Variants in RCAN3 observed in about 807,000 individuals in gnomAD.
RCAN3 encodes the protein calcipressin-3.
A neutral mutation model predicts 21.9 loss-of-function variants in RCAN3; 19 were observed. That is an observed-to-expected ratio of 0.87 (90% CI 0.61 to 1.27). RCAN3 has a LOEUF of 1.27. RCAN3 is among the 50% of genes most tolerant of loss of function. RCAN3 has a pLI of 0.00. For missense variants in RCAN3, 240 were observed against 300.1 expected (o/e 0.80, Z 1.48); for synonymous variants, 114 against 112.3 (o/e 1.01, Z -0.09).
At chr1:24,532,124 G>A (rs1034475940) in intron 3 of RCAN3, among the ~76,000 whole-genome samples, 1 of 152,162 alleles carries the variant, frequency 6.6e-6, no homozygotes, top group Non-Finnish European at 1.5e-5. Context: ...TCTTGAGATG[G>A]AGTACAAATA....
intron 2 of RCAN3, among the ~76,000 whole-genome samples, chr1:24,530,005 A>AC (rs1345310968): frequency 7.9e-6 from 1 of 126,318 alleles, no homozygotes; most frequent in African/African-American, 3.0e-5. Flanking sequence ...TCTCAAAAAA[A>AC]AAAACAAAAC....
chr1:24,514,303 T>C lies in RCAN3; in HGVS notation c.-59-11T>C. 1.5e-6 allele frequency: 2 copies of C among 1,365,186 alleles called. No homozygotes were observed. Among genetic ancestry groups the C allele is most frequent in the South Asian group, 3.5e-5 (2 of 57,188 alleles). The allele number at this position is 1,365,186 out of a possible 1,614,324, so 84.6% of individuals were successfully genotyped here. A position where few individuals can be genotyped will look rare whatever the true frequency, so the allele number is the denominator to read the frequency against. ...GGAGTTTTACCTCTGCATTTTCTTTTTTTTTAACAGTGGGTGCCTGATAGA... is the reference window on the plus strand; with the variant it reads ...GGAGTTTTACCTCTGCATTTTCTTTCTTTTTAACAGTGGGTGCCTGATAGA... On this transcript the variant is annotated splice_polypyrimidine_tract_variant and intron_variant, in intron 1 of 4. Coordinates refer to ENST00000374395, the MANE Select transcript of RCAN3 (RefSeq NM_013441.4).
chr1:24,531,246 A>T lies in RCAN3; in HGVS notation c.224A>T (p.Tyr75Phe). Residue 75 changes from tyrosine to phenylalanine, a missense_variant, in exon 3 of 5, where the codon TAT becomes TTT. Transcript: ENST00000374395. ...AGATTTGAAGCACTCTTCACCATCTATGATGACCAGGTTACTTTTCAGCTG... is the reference window on the plus strand; with the variant it reads ...AGATTTGAAGCACTCTTCACCATCTTTGATGACCAGGTTACTTTTCAGCTG... The part of the protein sequence containing the change: ...KERFEALFTI[Y>F]DDQVTFQLFK... 6.2e-7 allele frequency: 1 copy of T among 1,606,804 alleles called. No homozygotes were observed. Among genetic ancestry groups the T allele is most frequent in the Non-Finnish European group, 8.5e-7 (1 of 1,175,828 alleles).
At chr1:24,515,564 C>G (rs1648249248) in intron 2 of RCAN3, among the ~76,000 whole-genome samples, 1 of 151,984 alleles carries the variant, frequency 6.6e-6, no homozygotes, top group African/African-American at 2.4e-5. Context: ...CTTCCTTGTT[C>G]TGAGCTTTTT....
At chr1:24,520,885 T>C (rs913405706) in intron 2 of RCAN3, among the ~76,000 whole-genome samples, 1 of 152,122 alleles carries the variant, frequency 6.6e-6, no homozygotes, top group Non-Finnish European at 1.5e-5. Context: ...CAGTACTACC[T>C]AAAGTGCTCT....
chr1:24,522,969 G>C (rs747546521), intron 2 of RCAN3, among the ~76,000 whole-genome samples: 3 of 151,918 alleles, frequency 2.0e-5, no homozygotes, highest in Non-Finnish European at 4.4e-5. Context: ...ACTTTAATAG[G>C]TTGAACCATA....
At chr1:24,505,466 G>A (rs376708748) in intron 1 of RCAN3, among the ~76,000 whole-genome samples, 2 of 151,760 alleles carry the variant, frequency 1.3e-5, no homozygotes, top group East Asian at 1.9e-4. Flanking sequence ...CTGGCAGCCC[G>A]CCTGCCTCCG....
At chr1:24,505,772 A>G (rs934943238) in intron 1 of RCAN3, among the ~76,000 whole-genome samples, 2 of 152,244 alleles carry the variant, frequency 1.3e-5, no homozygotes, top group African/African-American at 4.8e-5. Context: ...AACATACAAA[A>G]AAAGTGAAAA....
At chr1:24,526,249 G>A (rs1288362986) in intron 2 of RCAN3, among the ~76,000 whole-genome samples, 2 of 152,040 alleles carry the variant, frequency 1.3e-5, no homozygotes, top group Non-Finnish European at 2.9e-5. Flanking sequence ...ATGCCACCAT[G>A]CCTGGCTAAT....
At chr1:24,504,122 T>C (rs1647270744) in intron 1 of RCAN3, among the ~76,000 whole-genome samples, 1 of 152,238 alleles carries the variant, frequency 6.6e-6, no homozygotes, top group African/African-American at 2.4e-5. Flanking sequence ...GAGTCTCTTC[T>C]TTAGCCAGGT....
At chr1:24,505,123 A>G (rs1647319346) in intron 1 of RCAN3, among the ~76,000 whole-genome samples, 1 of 152,092 alleles carries the variant, frequency 6.6e-6, no homozygotes. Context: ...TGTAAGTGGT[A>G]AATGAGTAGA....
chr1:24,514,295 T>G lies in RCAN3; in HGVS notation c.-59-19T>G. ...TGGTCTTCGGAGTTTTACCTCTGCA[T>G]TTTCTTTTTTTTTAACAGTGGGTGC... On this transcript the variant is annotated intron_variant, in intron 1 of 4. Coordinates refer to ENST00000374395, the MANE Select transcript of RCAN3 (RefSeq NM_013441.4). The G allele has an allele frequency of 3.8e-6, 5 of 1,314,524 alleles. No homozygotes were observed. The highest frequency in any genetic ancestry group is 1.5e-5 in the African/African-American group (1 of 66,978). The allele number at this position is 1,314,524 out of a possible 1,614,324, so 81.4% of individuals were successfully genotyped here.
At position 24,538,989 on chromosome 1, in the gene RCAN3, A is replaced by G. The variant is rs553368926; in HGVS notation, c.*3712A>G. On this transcript the variant is annotated 3_prime_UTR_variant, in exon 5 of 5. Transcript: ENST00000374395. ...TCCATCTTTTAAAAATGTCATGATT[A>G]CAAAGTGAAAAGATTTGGCTTTCTT... The G allele has an allele frequency of 6.6e-6, 1 of 152,264 alleles. No individual in the cohort carries two copies. Among genetic ancestry groups the G allele is most frequent in the South Asian group, 2.1e-4 (1 of 4,806 alleles). 9.4% of individuals were successfully genotyped at this position (152,264 alleles called of 1,614,324 possible).
At position 24,525,362 on chromosome 1, in the gene RCAN3, T is replaced by A. The variant is rs1025740603; in HGVS notation, c.196-5856T>A. ...ACTAACTGCACAGGTGATCTTAGCA[T>A]ATGAAGGCAGCTTCTGGTCTGTATT... On this transcript the variant is annotated intron_variant, in intron 2 of 4. Coordinates refer to ENST00000374395, the MANE Select transcript of RCAN3 (RefSeq NM_013441.4). The surrounding 1 kb of genome is among the most constrained non-coding windows in gnomAD (Gnocchi z 4.1). 6.6e-6 allele frequency among the ~76,000 whole-genome samples: 1 copy of A among 152,204 alleles called. No individual in the cohort carries two copies.
intron 1 of RCAN3, among the ~76,000 whole-genome samples, chr1:24,511,698 C>T (rs1647899977): frequency 6.6e-6 from 1 of 152,242 alleles, no homozygotes; most frequent in Admixed American, 6.5e-5. Context: ...ATTACCAGAA[C>T]ATGTCAGACA....
Position 24,538,566 on chromosome 1 carries a change from G to T in RCAN3, c.*3289G>T, listed in dbSNP as rs1161697913. 7.7e-6 allele frequency: 1 copy of T among 130,678 alleles called. No homozygotes were observed. The highest frequency in any genetic ancestry group is 7.4e-5 in the Admixed American group (1 of 13,514). The allele number at this position is 130,678 out of a possible 1,614,324, so 8.1% of individuals were successfully genotyped here. On this transcript the variant is annotated 3_prime_UTR_variant, in exon 5 of 5. Coordinates refer to ENST00000374395, the MANE Select transcript of RCAN3 (RefSeq NM_013441.4). ...ACTACAGGCGCCCGCTCCCACGCCCGGCTAATTTTTTTTTTTTTTTTTTTT... is the reference window on the plus strand; with the variant it reads ...ACTACAGGCGCCCGCTCCCACGCCCTGCTAATTTTTTTTTTTTTTTTTTTT...
At chr1:24,522,061 T>C (rs1054535331) in intron 2 of RCAN3, among the ~76,000 whole-genome samples, 2 of 152,152 alleles carry the variant, frequency 1.3e-5, no homozygotes, top group African/African-American at 2.4e-5. Context: ...ATAAATTTTG[T>C]GTTTTGTATA....
chr1:24,511,957 C>G (rs1477553185), intron 1 of RCAN3, among the ~76,000 whole-genome samples: 3 of 152,070 alleles, frequency 2.0e-5, no homozygotes, highest in African/African-American at 7.2e-5. Context: ...GAAGAGATCA[C>G]ATTTCCCAGA....
At position 24,525,430 on chromosome 1, in the gene RCAN3, T is replaced by C. The variant is rs1649179468; in HGVS notation, c.196-5788T>C. On this transcript the variant is annotated intron_variant, in intron 2 of 4. Coordinates refer to ENST00000374395, the MANE Select transcript of RCAN3 (RefSeq NM_013441.4). This position sits in a 1 kb window ranked among gnomAD's most constrained non-coding sequence, Gnocchi z 4.1. The stretch of plus-strand genomic sequence containing the variant: ...ACATCATAGGAAAAAGCCTCAGGCA[T>C]TGGTTTTTAGGCTGCATTGTTTGTG... Among the ~76,000 whole-genome samples the C allele has an allele frequency of 6.6e-6, 1 of 152,168 alleles. No individual in the cohort carries two copies. Among genetic ancestry groups the C allele is most frequent in the Admixed American group, 6.5e-5 (1 of 15,278 alleles).
Sources: gnomAD v4.1 joint callset for allele counts (sites outside exome capture counted in the v4.1 genomes callset) on GRCh38, gnomAD v4.1.1 for gene constraint, Gnocchi (gnomAD v3.1) non-coding constraint, MANE v1.5 for transcripts, NCBI Gene and HGNC (gene_info 2026-07-23, HGNC 2026-07-21) for gene names.